Variants in PKHD1 observed in about 807,000 individuals in gnomAD.
The protein encoded by PKHD1 is PKHD1 ciliary IPT domain containing fibrocystin/polyductin, also known as fibrocystin.
PKHD1 carries 291 observed loss-of-function variants against 412.0 expected under a neutral mutation model. That is an observed-to-expected ratio of 0.71 (90% CI 0.64 to 0.78). The LOEUF is 0.78. PKHD1 is among the 30% of genes least tolerant of loss of function. PKHD1 has a pLI of 0.00. For synonymous variants in PKHD1, 1,777 were observed against 1,821.5 expected (o/e 0.98, Z 0.62); for missense variants, 4,825 against 4,950.7 (o/e 0.97, Z 0.76).
intron 13 of PKHD1, among the ~76,000 whole-genome samples, chr6:52,064,071 G>T (rs1809114987): frequency 6.6e-6 from 1 of 152,232 alleles, no homozygotes; most frequent in Admixed American, 6.5e-5. Context: ...GGGAGCTGGA[G>T]AATTCTCAAG....
intron 35 of PKHD1, among the ~76,000 whole-genome samples, chr6:51,961,045 C>G (rs1375914868): frequency 1.3e-5 from 2 of 152,058 alleles, no homozygotes; most frequent in Non-Finnish European, 2.9e-5. Context: ...GCCACTCTCT[C>G]CAGTCTTCTT....
chr6:51,976,060 T>C (rs1157832446), intron 35 of PKHD1: 1 of 147,018 alleles, frequency 6.8e-6, no homozygotes. Context: ...CTGGTAGAAA[T>C]GTAAAATGGT....
intron 47 of PKHD1, among the ~76,000 whole-genome samples, chr6:51,870,025 C>T (rs994006659): frequency 1.2e-4 from 19 of 152,102 alleles, no homozygotes; most frequent in Non-Finnish European, 2.2e-4. Context: ...TCCTATGTTT[C>T]CCTTTGTGCA....
At chr6:51,982,177 G>C (rs1411375717) in intron 35 of PKHD1, among the ~76,000 whole-genome samples, 2 of 43,876 alleles carry the variant, frequency 4.6e-5, no homozygotes, top group African/African-American at 7.5e-5. Flanking sequence ...CCCCGTCCGG[G>C]AGGGAGGTGG....
At chr6:51,960,149 A>T in intron 35 of PKHD1, 123 bp from the exon 36 acceptor site, 1 of 849,974 alleles carries the variant, frequency 1.2e-6, no homozygotes, top group Non-Finnish European at 2.0e-6. Flanking sequence ...GGGATAGTAT[A>T]AGTATTGAAT....
chr6:51,872,273 A>C, intron 46 of PKHD1, among the ~76,000 whole-genome samples: 1 of 152,208 alleles, frequency 6.6e-6, no homozygotes, highest in East Asian at 1.9e-4. Context: ...ATCTAGCACA[A>C]TGTTTAGAAA....
chr6:51,790,196 T>C (rs1793523055), intron 53 of PKHD1, among the ~76,000 whole-genome samples: 1 of 152,334 alleles, frequency 6.6e-6, no homozygotes. Context: ...GATTTTTTTC[T>C]GGGCATTCTC....
intron 23 of PKHD1, 116 bp from the exon 24 acceptor site, chr6:52,046,304 C>G (rs1321758163): frequency 1.2e-6 from 1 of 850,484 alleles, no homozygotes; most frequent in Admixed American, 1.7e-5. Context: ...TTTCAGGAGA[C>G]CCTTCTGTCA....
At chr6:51,939,261 G>A (rs536778388) in intron 36 of PKHD1, among the ~76,000 whole-genome samples, 26 of 149,966 alleles carry the variant, frequency 1.7e-4, no homozygotes, top group African/African-American at 2.9e-4. Flanking sequence ...GGCAAGTACC[G>A]CTTTTCTGGG....
At chr6:51,809,178 T>A (rs1429741442) in intron 52 of PKHD1, among the ~76,000 whole-genome samples, 1 of 152,128 alleles carries the variant, frequency 6.6e-6, no homozygotes, top group Non-Finnish European at 1.5e-5. Context: ...AAAAATAGTT[T>A]CTTGTATTTC....
At chr6:51,706,135 A>T (rs1243744436) in intron 60 of PKHD1, among the ~76,000 whole-genome samples, 1 of 152,144 alleles carries the variant, frequency 6.6e-6, no homozygotes, top group Non-Finnish European at 1.5e-5. Flanking sequence ...GATAATGATT[A>T]CTAGGTGACT....
intron 37 of PKHD1, among the ~76,000 whole-genome samples, chr6:51,924,700 A>G (rs1325537063): frequency 6.6e-6 from 1 of 152,236 alleles, no homozygotes; most frequent in African/African-American, 2.4e-5. Flanking sequence ...ATTAAAATCA[A>G]CAAGACTTAG....
At chr6:51,897,852 G>C (rs1179177440) in intron 43 of PKHD1, among the ~76,000 whole-genome samples, 1 of 149,454 alleles carries the variant, frequency 6.7e-6, no homozygotes, top group Non-Finnish European at 1.5e-5. Flanking sequence ...AAAAAAGGCA[G>C]GGGTTGCAAT....
chr6:51,989,929 A>AGGGAGGGAGGGAGGAGGGAAGGAGGG (rs1407643436), intron 35 of PKHD1, among the ~76,000 whole-genome samples: 1 of 91,848 alleles, frequency 1.1e-5, no homozygotes, highest in Non-Finnish European at 2.3e-5. Flanking sequence ...GGAAGGAAGG[A>AGGGAGGGAGGGAGGAGGGAAGGAGGG]AGGAAAGAAG....
At chr6:51,622,275 C>T (rs1403135940) in intron 66 of PKHD1, 2 of 152,230 alleles carry the variant, frequency 1.3e-5, no homozygotes, top group African/African-American at 2.4e-5. Flanking sequence ...TAGTCACTGG[C>T]TTCTTTTGCA....
At chr6:52,050,019 T>C (rs1806529453) in intron 22 of PKHD1, 138 bp downstream of exon 22, 5 of 794,766 alleles carry the variant, frequency 6.3e-6, no homozygotes, top group Non-Finnish European at 1.1e-5. Context: ...GTGAATCTGG[T>C]GCTGCATTCT....
chr6:51,624,166 C>A (rs1219778836), intron 66 of PKHD1, among the ~76,000 whole-genome samples: 1 of 152,068 alleles, frequency 6.6e-6, no homozygotes, highest in African/African-American at 2.4e-5. Flanking sequence ...ATGCAATCCT[C>A]CACCTCGGCC....
intron 47 of PKHD1, among the ~76,000 whole-genome samples, chr6:51,870,211 C>T (rs1775762198): frequency 6.6e-6 from 1 of 152,128 alleles, no homozygotes; most frequent in South Asian, 2.1e-4. Context: ...ATAATTAAAA[C>T]TCTGAGCAAG....
At position 51,884,005 on chromosome 6, in the gene PKHD1, A is replaced by G. The variant is rs111368511; in HGVS notation, c.7216-778T>C. Among the ~76,000 whole-genome samples, 1,080 of 152,318 alleles carry G rather than the reference A, an allele frequency of 7.1e-3. 16 individuals carry two copies. Among genetic ancestry groups the G allele is most frequent in the African/African-American group, 0.025 (1,032 of 41,572 alleles). ...CTTGGACTTCCAAGCCTCCAGAATCATGAGCTAATAAATTTCTGTTTATTA... is the reference window on the plus strand; with the variant it reads ...CTTGGACTTCCAAGCCTCCAGAATCGTGAGCTAATAAATTTCTGTTTATTA... On this transcript the variant is annotated intron_variant, in intron 45 of 66. Transcript: ENST00000371117.
Sources: allele counts gnomAD v4.1 joint callset (sites outside exome capture counted in the v4.1 genomes callset), GRCh38; gene constraint gnomAD v4.1.1; transcripts MANE v1.5; gene names NCBI Gene and HGNC (gene_info 2026-07-23, HGNC 2026-07-21).